Variants in PDILT observed in about 807,000 individuals in gnomAD.
The protein encoded by PDILT is protein disulfide isomerase like, testis expressed.
In PDILT, 43 loss-of-function variants were observed where a neutral mutation model predicts 53.7. The observed-to-expected ratio is 0.80, with a 90% CI of 0.63 to 1.03. PDILT has a LOEUF of 1.03. PDILT is among the 50% of genes least tolerant of loss of function. The pLI, the probability that PDILT is intolerant of heterozygous loss-of-function variation, is 0.00. For synonymous variants in PDILT, 282 were observed against 274.2 expected (o/e 1.03, Z -0.28); for missense variants, 727 against 712.3 (o/e 1.02, Z -0.24).
chr16:20,381,068 A>C (rs572259731), intron 3 of PDILT, among the ~76,000 whole-genome samples: 3 of 152,356 alleles, frequency 2.0e-5, no homozygotes, highest in East Asian at 3.9e-4. Flanking sequence ...TTCCAGGCAC[A>C]GACTGTGGCT....
At chr16:20,390,778 G>T (rs1244119960) in intron 2 of PDILT, 1 of 152,216 alleles carries the variant, frequency 6.6e-6, no homozygotes, top group African/African-American at 2.4e-5. Context: ...TTGGTGTCAA[G>T]CTTGGTCTCA....
At chr16:20,401,410 GAGTT>G (rs1966738531) in intron 1 of PDILT, among the ~76,000 whole-genome samples, 1 of 152,204 alleles carries the variant, frequency 6.6e-6, no homozygotes, top group African/African-American at 2.4e-5. Context: ...AAGTACTAGA[GAGTT>G]AGTTTTTATT....
intron 3 of PDILT, among the ~76,000 whole-genome samples, chr16:20,382,769 T>C (rs1051785095): frequency 6.6e-6 from 1 of 151,464 alleles, no homozygotes; most frequent in African/African-American, 2.4e-5. Flanking sequence ...ATTTAACAGA[T>C]GGAAAAACTG....
intron 3 of PDILT, among the ~76,000 whole-genome samples, chr16:20,381,860 T>G (rs1006223933): frequency 6.6e-6 from 1 of 152,106 alleles, no homozygotes; most frequent in Non-Finnish European, 1.5e-5. Flanking sequence ...CAGTGGGTGC[T>G]TCCAATTCCA....
At chr16:20,389,783 A>C (rs141828777) in intron 2 of PDILT, among the ~76,000 whole-genome samples, 2 of 152,218 alleles carry the variant, frequency 1.3e-5, no homozygotes, top group Non-Finnish European at 2.9e-5. Context: ...GGAGGGGCTG[A>C]TGGGTGATGG....
chr16:20,398,921 C>G (rs1478085896), intron 2 of PDILT, among the ~76,000 whole-genome samples, 178 bp downstream of exon 2: 3 of 152,190 alleles, frequency 2.0e-5, no homozygotes, highest in Non-Finnish European at 4.4e-5. Context: ...TGCTTAACCT[C>G]CCTGGAGTAT....
intron 8 of PDILT, among the ~76,000 whole-genome samples, chr16:20,368,456 C>T (rs111842585): frequency 2.5e-3 from 379 of 152,268 alleles, no homozygotes; most frequent in African/African-American, 8.3e-3. Flanking sequence ...ATGCTGTGCA[C>T]ACGAGACAGC....
In PDILT at chr16:20,392,095, C is replaced by G. The variant is rs76604388; in HGVS notation, c.202+7004G>C. Among the ~76,000 whole-genome samples the G allele has an allele frequency of 1.4e-3, 214 of 152,054 alleles. 1 individual carries two copies. The highest frequency in any genetic ancestry group is 2.5e-3 in the Non-Finnish European group (168 of 67,992). Reference sequence around the variant, plus strand: ...GTGGTTCAGGTGAGGAATAATGAGGCCTGAACCAAGGCAGTGGTGGTGGGA... The same window carrying G: ...GTGGTTCAGGTGAGGAATAATGAGGGCTGAACCAAGGCAGTGGTGGTGGGA... On this transcript the variant is annotated intron_variant, in intron 2 of 11. Transcript: ENST00000302451.
rs922613536 is a variant in PDILT, at chr16:20,359,707, T to C, written c.1507-140A>G. ...AAAGTGCCCAGAGAGAATCAGTCTTTGGACTGCAGGGTTTTCACAGATGCT... is the reference window on the plus strand; with the variant it reads ...AAAGTGCCCAGAGAGAATCAGTCTTCGGACTGCAGGGTTTTCACAGATGCT... On this transcript the variant is annotated intron_variant, in intron 11 of 11. Coordinates refer to ENST00000302451, the MANE Select transcript of PDILT (RefSeq NM_174924.2). 1.3e-4 allele frequency: 110 copies of C among 864,738 alleles called. No homozygotes were observed. In the South Asian group the frequency reaches 1.8e-3, roughly 14 times the overall value. The allele number at this position is 864,738 out of a possible 1,614,324, so 53.6% of individuals were successfully genotyped here.
At chr16:20,363,419 C>T (rs558765363) in intron 9 of PDILT, among the ~76,000 whole-genome samples, 15 of 152,056 alleles carry the variant, frequency 9.9e-5, no homozygotes, top group Middle Eastern at 6.8e-3. Flanking sequence ...ACAATATTTA[C>T]GCTAGATGAC....
rs777793980 is a variant in PDILT at position 20,400,012 on chromosome 16, CTCTATCTA to C, written c.-7-713_-7-706del. 6.1e-3 allele frequency among the ~76,000 whole-genome samples: 862 copies of C among 141,664 alleles called. 6 individuals carry two copies. Among genetic ancestry groups the C allele is most frequent in the South Asian group, 0.011 (47 of 4,346 alleles). The allele number at this position is 141,664 out of a possible 152,430, so 92.9% of individuals were successfully genotyped here. On this transcript the variant is annotated intron_variant, in intron 1 of 11. Transcript: ENST00000302451. ...TATGTAAACATACCTTTGAATATAT[CTCTATCTA>C]TCTATCTATCTATCTATCTATCTAT...
chr16:20,371,528 G>C (rs1480410953), intron 7 of PDILT, among the ~76,000 whole-genome samples: 2 of 152,156 alleles, frequency 1.3e-5, no homozygotes, highest in Admixed American at 1.3e-4. Context: ...GTTGGCACTG[G>C]AGCACAGAGG....
Position 20,399,267 on chromosome 16 carries a change from C to A in PDILT, c.34G>T (p.Ala12Ser), listed in dbSNP as rs1966700627. 1.2e-6 allele frequency: 2 copies of A among 1,614,020 alleles called. No homozygotes were observed. The highest frequency in any genetic ancestry group is 1.7e-6 in the Non-Finnish European group (2 of 1,179,918). Reference sequence around the variant, plus strand: ...CTGTGGACAGCAGAGACACAAGCGGCCACCAGCAGCAGGGGCATCCAGAGT... The same window carrying A: ...CTGTGGACAGCAGAGACACAAGCGGACACCAGCAGCAGGGGCATCCAGAGT... ...DLLWMPLLLV[A>S]ACVSAVHSSP... The change falls in exon 2 of 12, where the codon GCC (alanine) becomes TCC (serine). Residue 12 changes from alanine to serine, a missense_variant. Physicochemically the swap from Ala to Ser is moderately conservative, Grantham distance 99. Transcript: ENST00000302451.
chr16:20,376,251 C>A (rs1310243853), intron 3 of PDILT, 50 bp from the exon 4 acceptor site: 5 of 1,602,510 alleles, frequency 3.1e-6, no homozygotes, highest in African/African-American at 1.3e-5. Context: ...CCTCTTGAAC[C>A]AAAGCAAGAA....
At chr16:20,403,454 T>G (rs7190376) in intron 1 of PDILT, among the ~76,000 whole-genome samples, 63,742 of 151,890 alleles carry the variant, frequency 0.42, 15,287 homozygotes, top group Middle Eastern at 0.62. Context: ...CATGCCCGGC[T>G]AATTTTTGTA....
intron 1 of PDILT, among the ~76,000 whole-genome samples, chr16:20,403,232 T>C (rs1412488040): frequency 6.6e-6 from 1 of 152,192 alleles, no homozygotes; most frequent in Non-Finnish European, 1.5e-5. Flanking sequence ...CCTCTGCTTC[T>C]ACTCTTTGTG....
rs188996527 is a variant in PDILT at position 20,369,584 on chromosome 16, T to G, written c.1024A>C (p.Ser342Arg). 47 of 1,614,188 alleles carry G rather than the reference T, an allele frequency of 2.9e-5. No individual in the cohort carries two copies. In the African/African-American group the frequency reaches 4.7e-4, roughly 16 times the overall value. Reference protein sequence around the residue: ...DIPSVQILNLSSDARYKMPSD... With the variant: ...DIPSVQILNLRSDARYKMPSD... ...GGCATTTTGTACCTGGCGTCAGAGC[T>G]CAAGTTTAGGATTTGGACGGATGGG... The change falls in exon 8 of 12, where the codon AGC becomes CGC. Residue 342 changes from serine to arginine, a missense_variant. Transcript: ENST00000302451.
rs76437434 is a variant in PDILT at position 20,376,030 on chromosome 16, T to C, written c.543+38A>G. On this transcript the variant is annotated intron_variant, in intron 4 of 11. Transcript: ENST00000302451. ...CCCCTCCCAGACACAGCACTTCTCA[T>C]CAGTTGAAAGCCTCCTCCCACCTCT... 2,163 of 1,611,692 alleles carry C rather than the reference T, an allele frequency of 1.3e-3. 27 individuals carry two copies. The African/African-American group carries it at 0.023, about 18-fold the overall frequency.
intron 3 of PDILT, 84 bp downstream of exon 3, chr16:20,384,561 A>T (rs1174541877): frequency 5.2e-6 from 8 of 1,534,424 alleles, no homozygotes; most frequent in Admixed American, 5.1e-5. Context: ...AGCTGCATGG[A>T]GCAGAGCCTC....
Sources: gnomAD v4.1 joint callset for allele counts (sites outside exome capture counted in the v4.1 genomes callset) on GRCh38, gnomAD v4.1.1 for gene constraint, MANE v1.5 for transcripts, NCBI Gene and HGNC (gene_info 2026-07-23, HGNC 2026-07-21) for gene names.